The following LIMS2 variants were observed in gnomAD, a reference collection of about 807,000 sequenced individuals.
The protein encoded by LIMS2 is LIM and senescent cell antigen-like-containing domain protein 2.
Under a neutral mutation model 45.3 loss-of-function variants are expected in LIMS2, and 30 were observed. That is an observed-to-expected ratio of 0.66 (90% CI 0.50 to 0.90). The LOEUF is 0.90. Ranked by LOEUF, LIMS2 falls within the 40% of genes least tolerant of loss-of-function variation. The pLI is 0.00. For missense variants in LIMS2, 485 were observed against 468.7 expected (o/e 1.03, Z -0.32); for synonymous variants, 173 against 188.0 (o/e 0.92, Z 0.65).
intron 7 of LIMS2, 66 bp downstream of exon 7, chr2:127,640,830 G>A: frequency 3.5e-6 from 5 of 1,441,656 alleles, no homozygotes; most frequent in Non-Finnish European, 4.9e-6. Context: ...AGCCTCCCTT[G>A]CTCACGGCAG....
intron 1 of LIMS2, among the ~76,000 whole-genome samples, chr2:127,668,561 C>T (rs571568612): frequency 6.6e-6 from 1 of 150,792 alleles, no homozygotes; most frequent in South Asian, 2.1e-4. Flanking sequence ...CCCAGCTACT[C>T]AGAAGGCTGA....
At chr2:127,640,168 AGCAGGCCTGGCTAGGCTGCC>A in intron 8 of LIMS2, 23 bp from the exon 9 acceptor site, 3 of 1,613,114 alleles carry the variant, frequency 1.9e-6, no homozygotes, top group Non-Finnish European at 2.5e-6. Flanking sequence ...CGTGGGACTC[AGCAGGCCTGGCTAGGCTGCC>A]GCAGGCCCGG....
chr2:127,642,140 T>C lies in LIMS2; in HGVS notation c.569A>G (p.His190Arg). The C allele has an allele frequency of 1.9e-6, 3 of 1,602,224 alleles. No individual in the cohort carries two copies. The highest frequency in any genetic ancestry group is 1.1e-5 in the South Asian group (1 of 89,544). Residue 190 changes from histidine to arginine, a missense_variant, in exon 6 of 10, where the codon CAT becomes CGT. Transcript: ENST00000355119. This position sits in a 1 kb window ranked among gnomAD's most constrained non-coding sequence, Gnocchi z 5.3. ...GCAGATGGGGACGCCCATCTTGTCA[T>C]GGCAGGGCAGGCAGTAGAGCTCACC... Reference protein sequence around the residue: ...LKGELYCLPCHDKMGVPICGA... With the variant: ...LKGELYCLPCRDKMGVPICGA...
rs1490507086 is a variant in LIMS2, at chr2:127,655,132, C to G, written c.172-236G>C. On this transcript the variant is annotated intron_variant, in intron 2 of 9. Coordinates refer to ENST00000355119, the MANE Select transcript of LIMS2 (RefSeq NM_001161403.3). ...GAAGCTGGAGAGGTCCGTGAGGCCA[C>G]CTGTCAAAGGGCCACTGGTGTCTAC... The G allele has an allele frequency of 6.6e-6, 4 of 601,842 alleles. No individual in the cohort carries two copies. In the East Asian group the frequency reaches 1.1e-4, roughly 17 times the overall value. The allele number at this position is 601,842 out of a possible 1,614,324, so 37.3% of individuals were successfully genotyped here. A position where few individuals can be genotyped will look rare whatever the true frequency, so the allele number is the denominator to read the frequency against.
chr2:127,660,792 T>C (rs924807556), intron 1 of LIMS2, among the ~76,000 whole-genome samples: 1 of 152,190 alleles, frequency 6.6e-6, no homozygotes, highest in Admixed American at 6.5e-5. Context: ...CACTCTCCTC[T>C]ACCTTCCGGC....
At chr2:127,651,384 C>A in intron 4 of LIMS2, 1 of 1,612,752 alleles carries the variant, frequency 6.2e-7, no homozygotes, top group Non-Finnish European at 8.5e-7. Context: ...GCTGATCATC[C>A]GCAGCCTGCG....
chr2:127,666,930 C>T (rs1685032188), intron 1 of LIMS2, among the ~76,000 whole-genome samples: 1 of 152,164 alleles, frequency 6.6e-6, no homozygotes, highest in Non-Finnish European at 1.5e-5. Flanking sequence ...TCCCTTGACA[C>T]GTGGGGATTA....
chr2:127,651,745 C>G, intron 4 of LIMS2: 8 of 1,611,606 alleles, frequency 5.0e-6, no homozygotes, highest in Non-Finnish European at 6.8e-6. Context: ...AGTGCCAAGT[C>G]AGAGCTGTGA....
chr2:127,673,708 C>T (rs951362421), intron 1 of LIMS2: 1 of 1,551,566 alleles, frequency 6.4e-7, no homozygotes, highest in Admixed American at 2.0e-5. Context: ...TGGGGCTGCT[C>T]CGGACCCTGT....
At chr2:127,673,356 C>T (rs1056495100) in intron 1 of LIMS2, among the ~76,000 whole-genome samples, 9 of 152,182 alleles carry the variant, frequency 5.9e-5, no homozygotes, top group African/African-American at 2.2e-4. Context: ...ATTGCCTGGA[C>T]GAGGAACGCC....
chr2:127,662,114 T>C (rs1259680944), intron 1 of LIMS2, among the ~76,000 whole-genome samples: 2 of 152,084 alleles, frequency 1.3e-5, no homozygotes, highest in Non-Finnish European at 2.9e-5. Flanking sequence ...GTGTCCCCTA[T>C]AGCCAGGCAC....
At chr2:127,650,794 C>T (rs1683673831) in intron 4 of LIMS2, 1 of 1,612,908 alleles carries the variant, frequency 6.2e-7, no homozygotes, top group Non-Finnish European at 8.5e-7. Context: ...CTGGCCACGG[C>T]AGAGCAATGT....
At chr2:127,658,168 C>G (rs565115102) in intron 1 of LIMS2, among the ~76,000 whole-genome samples, 1 of 152,198 alleles carries the variant, frequency 6.6e-6, no homozygotes, top group Non-Finnish European at 1.5e-5. Context: ...GTGGGCGGAT[C>G]CCTTGAGCCC....
At chr2:127,652,231 C>T (rs1171707167) in intron 4 of LIMS2, 4 of 185,356 alleles carry the variant, frequency 2.2e-5, no homozygotes, top group Non-Finnish European at 5.1e-5. Context: ...TCTGAGTCCC[C>T]TCTGTAGTGC....
intron 1 of LIMS2, among the ~76,000 whole-genome samples, chr2:127,669,339 G>A (rs1035502186): frequency 2.0e-5 from 3 of 152,114 alleles, no homozygotes; most frequent in African/African-American, 7.2e-5. Flanking sequence ...GAAATAAATT[G>A]GATTTCATTA....
Position 127,642,793 on chromosome 2 carries a change from C to T in LIMS2, c.509+130G>A. 1 of 1,025,954 alleles carries T rather than the reference C, an allele frequency of 9.7e-7. No homozygotes were observed. Among genetic ancestry groups the T allele is most frequent in the Non-Finnish European group, 1.4e-6 (1 of 715,864 alleles). 63.6% of individuals were successfully genotyped at this position (1,025,954 alleles called of 1,614,324 possible). A position where few individuals can be genotyped will look rare whatever the true frequency, so the allele number is the denominator to read the frequency against. Reference sequence around the variant, plus strand: ...CTGCCCTGCAGCCTTGCTCTCGGGACCCCTCTGTCTGCCCACCCTGCTCCC... The same window carrying T: ...CTGCCCTGCAGCCTTGCTCTCGGGATCCCTCTGTCTGCCCACCCTGCTCCC... On this transcript the variant is annotated intron_variant, in intron 5 of 9. Coordinates refer to ENST00000355119, the MANE Select transcript of LIMS2 (RefSeq NM_001161403.3). The surrounding 1 kb of genome is among the most constrained non-coding windows in gnomAD (Gnocchi z 5.3).
chr2:127,641,056 C>T (rs1410993009), intron 6 of LIMS2, 68 bp from the exon 7 acceptor site: 1 of 1,332,426 alleles, frequency 7.5e-7, no homozygotes, highest in Non-Finnish European at 1.1e-6. Context: ...ACAGTGGTGA[C>T]CCGGGGACAA....
rs1235055278 is a variant in LIMS2, at chr2:127,664,352, GC to G, written c.12-6791del. The stretch of plus-strand genomic sequence containing the variant: ...TGCCGGTGCTGGCGCCGCCGGTACA[GC>G]CCCGACGCGGCCAGCGCACCCAGCC... On this transcript the variant is annotated intron_variant, in intron 1 of 9. Coordinates refer to ENST00000355119, the MANE Select transcript of LIMS2 (RefSeq NM_001161403.3). The surrounding 1 kb of genome is among the most constrained non-coding windows in gnomAD (Gnocchi z 5.5). 8.2e-7 allele frequency: 1 copy of G among 1,220,082 alleles called. No homozygotes were observed. The highest frequency in any genetic ancestry group is 1.6e-5 in the African/African-American group (1 of 63,724). The allele number at this position is 1,220,082 out of a possible 1,614,324, so 75.6% of individuals were successfully genotyped here.
In LIMS2 at chr2:127,639,186, C is replaced by A; in HGVS notation, c.*95G>T. The A allele has an allele frequency of 7.6e-7, 1 of 1,316,040 alleles. No individual in the cohort carries two copies. The highest frequency in any genetic ancestry group is 1.1e-6 in the Non-Finnish European group (1 of 944,138). The allele number at this position is 1,316,040 out of a possible 1,614,324, so 81.5% of individuals were successfully genotyped here. A position where few individuals can be genotyped will look rare whatever the true frequency, so the allele number is the denominator to read the frequency against. ...GGAAAGAGAAAGGGAGGGTAAGATG[C>A]GGAGGGCACAGGTGGATGGGGACGA... On this transcript the variant is annotated 3_prime_UTR_variant, in exon 10 of 10. Transcript: ENST00000355119.
Sources: gnomAD v4.1 joint callset for allele counts (sites outside exome capture counted in the v4.1 genomes callset) on GRCh38, gnomAD v4.1.1 for gene constraint, Gnocchi (gnomAD v3.1) non-coding constraint, MANE v1.5 for transcripts, NCBI Gene and HGNC (gene_info 2026-07-23, HGNC 2026-07-21) for gene names.